Variants in MAGI2 observed in about 807,000 individuals in gnomAD.
MAGI2 encodes the protein membrane-associated guanylate kinase, WW and PDZ domain-containing protein 2.
Under a neutral mutation model 133.3 loss-of-function variants are expected in MAGI2, and 35 were observed. The ratio of observed to expected loss-of-function variants is 0.26; its 90% CI spans 0.20 to 0.35. The LOEUF is 0.35. MAGI2 is among the 10% of genes least tolerant of loss of function. The probability of loss-of-function intolerance (pLI) is 1.00; values close to 1 mark genes in which losing one functional copy is unlikely to be tolerated. For synonymous variants in MAGI2, 729 were observed against 710.6 expected (o/e 1.03, Z -0.41); for missense variants, 1,636 against 1,863.4 (o/e 0.88, Z 2.25).
At chr7:78,438,197 T>C (rs1787238489) in intron 6 of MAGI2, among the ~76,000 whole-genome samples, 2 of 152,084 alleles carry the variant, frequency 1.3e-5, no homozygotes, top group African/African-American at 4.8e-5. Flanking sequence ...TGATAAACTC[T>C]ATACTATCAA....
At chr7:78,739,887 G>A (rs968891511) in intron 2 of MAGI2, among the ~76,000 whole-genome samples, 1 of 152,064 alleles carries the variant, frequency 6.6e-6, no homozygotes, top group African/African-American at 2.4e-5. Context: ...GGCCAGGCGC[G>A]GTGGCTCACG....
intron 2 of MAGI2, among the ~76,000 whole-genome samples, chr7:78,788,644 C>T (rs1403832426): frequency 6.6e-6 from 1 of 151,608 alleles, no homozygotes; most frequent in Non-Finnish European, 1.5e-5. Flanking sequence ...ATGTGCAATC[C>T]AGTTTAGATT....
intron 2 of MAGI2, among the ~76,000 whole-genome samples, chr7:78,856,017 T>C (rs1184718485): frequency 6.6e-6 from 1 of 152,180 alleles, no homozygotes; most frequent in Non-Finnish European, 1.5e-5. Flanking sequence ...GACAAGCATT[T>C]TTTCATGTGT....
intron 21 of MAGI2, among the ~76,000 whole-genome samples, chr7:78,069,572 G>GAGAGAGAGAGAGAGAGAGAGAGAGAA (rs1198906942): frequency 7.0e-6 from 1 of 142,756 alleles, no homozygotes; most frequent in Non-Finnish European, 1.5e-5. Flanking sequence ...GAGAGAGAGA[G>GAGAGAGAGAGAGAGAGAGAGAGAGAA]GCTTCTGATT....
At chr7:78,703,731 C>CTTAGT (rs1239853021) in intron 2 of MAGI2, among the ~76,000 whole-genome samples, 3 of 151,880 alleles carry the variant, frequency 2.0e-5, no homozygotes, top group Non-Finnish European at 4.4e-5. Flanking sequence ...TTACCTGAAA[C>CTTAGT]TTAGTTTATA....
intron 1 of MAGI2, among the ~76,000 whole-genome samples, chr7:79,108,529 T>C (rs1380304407): frequency 6.6e-6 from 1 of 152,228 alleles, no homozygotes; most frequent in African/African-American, 2.4e-5. Flanking sequence ...TTTTTCTCAA[T>C]CCTGATTGTG....
At chr7:78,850,410 C>T (rs1285153538) in intron 2 of MAGI2, among the ~76,000 whole-genome samples, 1 of 152,032 alleles carries the variant, frequency 6.6e-6, no homozygotes, top group Non-Finnish European at 1.5e-5. Context: ...CATTAGGAAA[C>T]GATGGCATTA....
At chr7:78,383,523 T>C (rs973184410) in intron 6 of MAGI2, among the ~76,000 whole-genome samples, 3 of 152,116 alleles carry the variant, frequency 2.0e-5, no homozygotes, top group African/African-American at 4.8e-5. Flanking sequence ...GGATGAATGA[T>C]TTGCAAATAT....
chr7:78,349,939 T>A (rs1791324085), intron 7 of MAGI2, among the ~76,000 whole-genome samples: 1 of 152,196 alleles, frequency 6.6e-6, no homozygotes, highest in Non-Finnish European at 1.5e-5. Flanking sequence ...GTGAGGTAAG[T>A]ACTAGCTATT....
At chr7:78,941,543 C>T (rs1800972849) in intron 2 of MAGI2, among the ~76,000 whole-genome samples, 1 of 152,080 alleles carries the variant, frequency 6.6e-6, no homozygotes, top group East Asian at 1.9e-4. Flanking sequence ...GCCCTGTTGG[C>T]CAGGCTGGTC....
chr7:78,230,560 T>A (rs558771025), intron 10 of MAGI2, among the ~76,000 whole-genome samples: 27 of 152,212 alleles, frequency 1.8e-4, no homozygotes, highest in Admixed American at 3.3e-4. Context: ...TGATACCTGT[T>A]TTTAATGATT....
intron 2 of MAGI2, among the ~76,000 whole-genome samples, chr7:78,950,204 T>C (rs548636622): frequency 6.6e-5 from 10 of 152,306 alleles, no homozygotes; most frequent in Non-Finnish European, 8.8e-5. Context: ...ACCTAATACA[T>C]TTGTTGTAAG....
chr7:79,187,074 A>T (rs930727731), intron 1 of MAGI2, among the ~76,000 whole-genome samples: 1 of 151,510 alleles, frequency 6.6e-6, no homozygotes, highest in Non-Finnish European at 1.5e-5. Flanking sequence ...GGGAAATTCT[A>T]AGTGACTACT....
intron 3 of MAGI2, chr7:78,568,418 T>A (rs1362921166): frequency 6.6e-6 from 1 of 152,268 alleles, no homozygotes; most frequent in African/African-American, 2.4e-5. Context: ...ACATTTGATT[T>A]TGCATTTCGC....
chr7:78,312,734 A>T (rs1259176721), intron 9 of MAGI2, among the ~76,000 whole-genome samples: 2 of 151,988 alleles, frequency 1.3e-5, no homozygotes, highest in African/African-American at 4.8e-5. Context: ...CAGTTTGGAG[A>T]TTTCTCAAAT....
chr7:78,529,667 G>GTTTTTTTTTTTTTT (rs1563128653), intron 3 of MAGI2, among the ~76,000 whole-genome samples: 11 of 56,318 alleles, frequency 2.0e-4, no homozygotes, highest in African/African-American at 6.5e-4. Context: ...TAAAGGAGAT[G>GTTTTTTTTTTTTTT]GTTTTTTTTT....
intron 6 of MAGI2, among the ~76,000 whole-genome samples, chr7:78,420,661 C>G (rs940685970): frequency 6.6e-6 from 1 of 151,802 alleles, no homozygotes; most frequent in Non-Finnish European, 1.5e-5. Flanking sequence ...TAAGGATAGA[C>G]AGAGGGACAT....
intron 17 of MAGI2, among the ~76,000 whole-genome samples, 198 bp from the exon 18 acceptor site, chr7:78,133,258 C>T (rs146620508): frequency 6.6e-6 from 1 of 152,250 alleles, no homozygotes; most frequent in African/African-American, 2.4e-5. Context: ...CATTAATGAT[C>T]ACTGCAGAAC....
At chr7:78,931,015 G>A (rs545022215) in intron 2 of MAGI2, among the ~76,000 whole-genome samples, 3 of 152,054 alleles carry the variant, frequency 2.0e-5, no homozygotes, top group Admixed American at 2.0e-4. Context: ...TTTGCAGATA[G>A]GAGTAGAAGA....
Sources: gnomAD v4.1 joint callset for allele counts (sites outside exome capture counted in the v4.1 genomes callset) on GRCh38, gnomAD v4.1.1 for gene constraint, MANE v1.5 for transcripts, NCBI Gene and HGNC (gene_info 2026-07-23, HGNC 2026-07-21) for gene names.